Variants in PTCHD4 observed in about 807,000 individuals in gnomAD.
PTCHD4 encodes patched domain-containing protein 4.
Under a neutral mutation model 58.1 loss-of-function variants are expected in PTCHD4, and 33 were observed. The observed-to-expected ratio is 0.57, with a 90% CI of 0.43 to 0.76. The LOEUF is 0.76. Among genes scored for constraint, PTCHD4 ranks in the 30% least tolerant of loss-of-function variants. The pLI is 0.00. For missense variants in PTCHD4, 1,058 were observed against 1,027.1 expected (o/e 1.03, Z -0.41); for synonymous variants, 478 against 409.6 (o/e 1.17, Z -2.02).
chr6:48,010,069 T>C (rs557236691), intron 3 of PTCHD4, among the ~76,000 whole-genome samples: 1 of 152,320 alleles, frequency 6.6e-6, no homozygotes, highest in African/African-American at 2.4e-5. Flanking sequence ...TTATCATTAA[T>C]TTGGAAAGTT....
At chr6:47,963,250 A>T (rs2113972396) in intron 4 of PTCHD4, among the ~76,000 whole-genome samples, 1 of 152,278 alleles carries the variant, frequency 6.6e-6, no homozygotes, top group Non-Finnish European at 1.5e-5. Flanking sequence ...ATGCTCAATA[A>T]TCACTAAATC....
intron 3 of PTCHD4, among the ~76,000 whole-genome samples, chr6:48,036,146 G>T (rs927685685): frequency 2.6e-5 from 4 of 151,946 alleles, no homozygotes; most frequent in South Asian, 2.1e-4. Context: ...ATGGCAAAAA[G>T]TTTAATTTTT....
chr6:47,920,413 T>C (rs555027128), intron 4 of PTCHD4, among the ~76,000 whole-genome samples: 1 of 152,278 alleles, frequency 6.6e-6, no homozygotes, highest in East Asian at 1.9e-4. Flanking sequence ...AGCAAGTATA[T>C]GCAGAGTGAG....
chr6:47,905,186 T>C lies in PTCHD4; in HGVS notation c.899-25250A>G, dbSNP rs187798315. Among the ~76,000 whole-genome samples, 576 of 152,216 alleles carry C rather than the reference T, an allele frequency of 3.8e-3. 2 individuals carry two copies. The highest frequency in any genetic ancestry group is 9.6e-3 in the Admixed American group (147 of 15,298). On this transcript the variant is annotated intron_variant, in intron 4 of 4. Coordinates refer to ENST00000339488, the MANE Select transcript of PTCHD4 (RefSeq NM_001384253.1). ...AAAATACTGGGCTTTGTAGATCATA[T>C]GAAATTGTTTTAATTTTATTGTAAG...
At chr6:48,012,387 G>A (rs1762710659) in intron 3 of PTCHD4, among the ~76,000 whole-genome samples, 1 of 152,138 alleles carries the variant, frequency 6.6e-6, no homozygotes, top group African/African-American at 2.4e-5. Flanking sequence ...TATTATTGGT[G>A]TATAGGAATG....
rs1221771113 is a variant in PTCHD4, at chr6:47,865,402, T to C, written c.*12901A>G. Reference sequence around the variant, plus strand: ...AAAATTTGTGGTAAAGCTTTACAAATGTTATAAAAATGGGCCACGCTGCAT... The same window carrying C: ...AAAATTTGTGGTAAAGCTTTACAAACGTTATAAAAATGGGCCACGCTGCAT... On this transcript the variant is annotated 3_prime_UTR_variant, in exon 5 of 5. Transcript: ENST00000339488. Among the ~76,000 whole-genome samples, 1 of 151,862 alleles carries C rather than the reference T, an allele frequency of 6.6e-6. No homozygotes were observed. Among genetic ancestry groups the C allele is most frequent in the Non-Finnish European group, 1.5e-5 (1 of 67,876 alleles).
intron 4 of PTCHD4, among the ~76,000 whole-genome samples, chr6:47,908,230 A>T (rs929972665): frequency 9.9e-5 from 15 of 152,124 alleles, no homozygotes; most frequent in African/African-American, 3.6e-4. Context: ...GAAAACTAGG[A>T]TCTATAACAT....
At chr6:48,099,205 A>T (rs942949638) in intron 1 of PTCHD4, among the ~76,000 whole-genome samples, 1 of 152,214 alleles carries the variant, frequency 6.6e-6, no homozygotes, top group African/African-American at 2.4e-5. Flanking sequence ...GCATCTCCAA[A>T]TAGTGGTCGC....
chr6:48,110,150 T>C (rs909781222), intron 1 of PTCHD4, among the ~76,000 whole-genome samples: 1 of 152,152 alleles, frequency 6.6e-6, no homozygotes, highest in African/African-American at 2.4e-5. Flanking sequence ...CAAGAGATAT[T>C]TGTACTACCA....
At chr6:47,918,545 T>G (rs1323603868) in intron 4 of PTCHD4, among the ~76,000 whole-genome samples, 2 of 151,778 alleles carry the variant, frequency 1.3e-5, no homozygotes, top group East Asian at 3.9e-4. Context: ...AATGTTAGAA[T>G]ATTTGCACAA....
intron 4 of PTCHD4, among the ~76,000 whole-genome samples, chr6:47,970,566 C>T (rs376164272): frequency 6.6e-6 from 1 of 152,100 alleles, no homozygotes; most frequent in African/African-American, 2.4e-5. Flanking sequence ...GGTTTCTACT[C>T]TGATGAAATT....
chr6:47,880,064 A>T, intron 4 of PTCHD4, 128 bp from the exon 5 acceptor site: 2 of 754,094 alleles, frequency 2.7e-6, no homozygotes, highest in South Asian at 4.9e-5. Context: ...TGATCCTCCT[A>T]TCAGGGCCTC....
chr6:47,949,096 A>G (rs1766523886), intron 4 of PTCHD4, among the ~76,000 whole-genome samples: 1 of 152,204 alleles, frequency 6.6e-6, no homozygotes, highest in Non-Finnish European at 1.5e-5. Context: ...TAGATCACGA[A>G]GAGGATATGA....
chr6:47,964,198 C>T (rs1767201772), intron 4 of PTCHD4, among the ~76,000 whole-genome samples: 1 of 152,118 alleles, frequency 6.6e-6, no homozygotes, highest in Non-Finnish European at 1.5e-5. Context: ...TGAAGTTCAG[C>T]TAAGCAAGAT....
intron 4 of PTCHD4, among the ~76,000 whole-genome samples, chr6:47,976,978 C>A (rs115037094): frequency 6.6e-6 from 1 of 151,982 alleles, no homozygotes; most frequent in Non-Finnish European, 1.5e-5. Flanking sequence ...ATAACTTTAT[C>A]GAAAAGTAAT....
intron 4 of PTCHD4, among the ~76,000 whole-genome samples, chr6:47,903,861 G>A (rs1216211361): frequency 1.3e-5 from 2 of 152,128 alleles, no homozygotes; most frequent in African/African-American, 4.8e-5. Flanking sequence ...GGGTGTGAGT[G>A]GTGGATTTTT....
intron 4 of PTCHD4, among the ~76,000 whole-genome samples, chr6:47,978,947 C>T (rs992067694): frequency 6.6e-6 from 1 of 152,104 alleles, no homozygotes; most frequent in Admixed American, 6.5e-5. Flanking sequence ...ATATTCTATT[C>T]ATTCTTGTTA....
chr6:48,062,224 T>C (rs1241658106), intron 3 of PTCHD4, among the ~76,000 whole-genome samples: 1 of 152,148 alleles, frequency 6.6e-6, no homozygotes, highest in African/African-American at 2.4e-5. Context: ...ACGGTTAGAG[T>C]GCATTATTGC....
intron 1 of PTCHD4, among the ~76,000 whole-genome samples, chr6:48,075,652 T>C (rs1765051072): frequency 6.6e-6 from 1 of 152,198 alleles, no homozygotes; most frequent in African/African-American, 2.4e-5. Context: ...GTCACACAAA[T>C]TTTTTGGTTT....
Sources: gnomAD v4.1 joint callset for allele counts (sites outside exome capture counted in the v4.1 genomes callset) on GRCh38, gnomAD v4.1.1 for gene constraint, MANE v1.5 for transcripts, NCBI Gene and HGNC (gene_info 2026-07-23, HGNC 2026-07-21) for gene names.